Variants in RGS11 observed in about 807,000 individuals in gnomAD.
RGS11 encodes the protein regulator of G protein signaling 11.
Under a neutral mutation model 71.1 loss-of-function variants are expected in RGS11, and 86 were observed. The observed-to-expected ratio is 1.21, with a 90% CI of 1.02 to 1.45. The LOEUF is 1.45. RGS11 is among the 40% of genes most tolerant of loss of function. The pLI is 0.00. For synonymous variants in RGS11, 298 were observed against 254.2 expected, an observed-to-expected ratio of 1.17 and a Z score of -1.64; for missense variants, 734 against 635.1, an observed-to-expected ratio of 1.16 and a Z score of -1.67.
rs764683385 is a variant in RGS11 at position 274,989 on chromosome 16, G to A, written c.305C>T (p.Pro102Leu). Residue 102 changes from proline to leucine, a missense_variant, in exon 4 of 17, where the codon CCC becomes CTC. Transcript: ENST00000397770. ...CCCGAGCCTGACCTGGAACCTGTAGGGCGTCTCGTCTGGCCGGAGCATGAG... is the reference window on the plus strand; with the variant it reads ...CCCGAGCCTGACCTGGAACCTGTAGAGCGTCTCGTCTGGCCGGAGCATGAG... ...RSLMLRPDETPYRFQTPYFWT... is the reference protein window; with the variant it reads ...RSLMLRPDETLYRFQTPYFWT... 20 of 1,541,042 alleles carry A rather than the reference G, an allele frequency of 1.3e-5. No individual in the cohort carries two copies. Among genetic ancestry groups the A allele is most frequent in the Middle Eastern group, 1.7e-4 (1 of 5,942 alleles).
intron 15 of RGS11, 103 bp downstream of exon 15, chr16:270,420 T>C: frequency 7.3e-7 from 1 of 1,361,538 alleles, no homozygotes; most frequent in South Asian, 1.4e-5. Context: ...AGGGGCAGAG[T>C]CAACGTGGGC....
chr16:275,880 CGGCCGGGGGGCGGCGCGG>C lies in RGS11; in HGVS notation c.14_31del (p.Pro5_Gly10del). ...CAGATGCGGCATCTGCGCCCGGGGGCGGCCGGGGGGCGGCGCGGGGCCGGCGGCCATGGCTGCGGGGCG... is the reference window on the plus strand; with the variant it reads ...CAGATGCGGCATCTGCGCCCGGGGGCGGCCGGCGGCCATGGCTGCGGGGCG... On this transcript the variant is annotated inframe_deletion, in exon 1 of 17. Transcript: ENST00000397770. 4.2e-6 allele frequency: 4 copies of C among 956,628 alleles called. No homozygotes were observed. Among genetic ancestry groups the C allele is most frequent in the Non-Finnish European group, 5.1e-6 (4 of 784,092 alleles). The allele number at this position is 956,628 out of a possible 1,614,324, so 59.3% of individuals were successfully genotyped here.
chr16:274,918 A>G (rs1596916963), intron 4 of RGS11, 58 bp downstream of exon 4: 1 of 1,109,502 alleles, frequency 9.0e-7, no homozygotes, highest in Non-Finnish European at 1.2e-6. Flanking sequence ...CGAGTTGGTA[A>G]GCTGGGTGGG....
chr16:271,429 G>T lies in RGS11; in HGVS notation c.719C>A (p.Thr240Asn), dbSNP rs369509392. The change falls in exon 11 of 17, where the codon ACC (threonine) becomes AAC (asparagine). Residue 240 changes from threonine to asparagine, a missense_variant. Thr to Asn is a moderately conservative substitution (Grantham distance 65, BLOSUM62 0). Coordinates refer to ENST00000397770, the MANE Select transcript of RGS11 (RefSeq NM_183337.3). The stretch of plus-strand genomic sequence containing the variant: ...AAGGCAGACGGAGGACTTCACTCGG[G>T]TCCTGCCCAGCGCTTTCCTGAAGTA... ...IEYFRKALGRTRVKSSVCLEA... is the reference protein window; with the variant it reads ...IEYFRKALGRNRVKSSVCLEA... The T allele has an allele frequency of 7.4e-6, 12 of 1,613,776 alleles. No homozygotes were observed. Among genetic ancestry groups the T allele is most frequent in the Non-Finnish European group, 1.0e-5 (12 of 1,180,006 alleles).
rs1170152262 is a variant in RGS11 at position 273,161 on chromosome 16, CA to C, written c.589-231del. ...TCCCGGCCTGTGAACTCGGTCCCCC[CA>C]CTGCAGCCAAGGCCGCCCCCACTCT... On this transcript the variant is annotated intron_variant, in intron 8 of 16. Transcript: ENST00000397770. Among the ~76,000 whole-genome samples the C allele has an allele frequency of 2.0e-5, 3 of 152,302 alleles. No individual in the cohort carries two copies. In the East Asian group the frequency reaches 5.8e-4, roughly 29 times the overall value.
intron 7 of RGS11, 25 bp downstream of exon 7, chr16:273,735 G>C (rs376707901): frequency 1.3e-6 from 2 of 1,599,936 alleles, no homozygotes; most frequent in Non-Finnish European, 1.7e-6. Context: ...GCCTGCAGGC[G>C]GGGCGGGGCA....
rs1567241794 is a variant in RGS11, at chr16:274,992, G to A, written c.302C>T (p.Thr101Met). 14 of 1,540,222 alleles carry A rather than the reference G, an allele frequency of 9.1e-6. No individual in the cohort carries two copies. Among genetic ancestry groups the A allele is most frequent in the Admixed American group, 5.9e-5 (3 of 51,058 alleles). Residue 101 changes from threonine to methionine, a missense_variant, in exon 4 of 17, where the codon ACG becomes ATG. Coordinates refer to ENST00000397770, the MANE Select transcript of RGS11 (RefSeq NM_183337.3). ...GAGCCTGACCTGGAACCTGTAGGGCGTCTCGTCTGGCCGGAGCATGAGGCT... is the reference window on the plus strand; with the variant it reads ...GAGCCTGACCTGGAACCTGTAGGGCATCTCGTCTGGCCGGAGCATGAGGCT... ...PRSLMLRPDE[T>M]PYRFQTPYFW...
At chr16:271,487 TC>T in intron 10 of RGS11, 27 bp from the exon 11 acceptor site, 1 of 1,613,778 alleles carries the variant, frequency 6.2e-7, no homozygotes, top group Non-Finnish European at 8.5e-7. Flanking sequence ...GTGAGTCAGG[TC>T]CCGGGCTGGG....
chr16:271,281 C>G lies in RGS11; in HGVS notation c.784G>C (p.Asp262His). 1 of 1,612,958 alleles carries G rather than the reference C, an allele frequency of 6.2e-7. No individual in the cohort carries two copies. Among genetic ancestry groups the G allele is most frequent in the Non-Finnish European group, 8.5e-7 (1 of 1,179,986 alleles). ...GGCAGGCACCCCGACACGAGGGGAT[C>G]GTGGGGTCCACGCTGGCCGCAGAAA... ...LSFCGQRGPH[D>H]PLVSGCLPSN... The change falls in exon 12 of 17, where the codon GAT becomes CAT. Residue 262 changes from aspartate (D) to histidine (H), a missense_variant. Physicochemically the swap from Asp to His is moderately conservative, Grantham distance 81 (BLOSUM62 -1). Coordinates refer to ENST00000397770, the MANE Select transcript of RGS11 (RefSeq NM_183337.3).
intron 15 of RGS11, 73 bp downstream of exon 15, chr16:270,450 C>G (rs561724397): frequency 6.7e-7 from 1 of 1,490,060 alleles, no homozygotes; most frequent in Non-Finnish European, 9.0e-7. Context: ...GCGGACAGAG[C>G]CCTTGAGGGT....
In RGS11 at chr16:275,692, C is replaced by T. The variant is rs1195481150; in HGVS notation, c.63+157G>A. ...AGGGCCGGGGAGACCCCGGAGACCCCCAAGGGCCCCAGGCCTCGCCGCCCC... is the reference window on the plus strand; with the variant it reads ...AGGGCCGGGGAGACCCCGGAGACCCTCAAGGGCCCCAGGCCTCGCCGCCCC... On this transcript the variant is annotated intron_variant, in intron 1 of 16. Coordinates refer to ENST00000397770, the MANE Select transcript of RGS11 (RefSeq NM_183337.3). 58 of 349,008 alleles carry T rather than the reference C, an allele frequency of 1.7e-4. No individual in the cohort carries two copies. In the African/African-American group the frequency reaches 7.7e-3, roughly 47 times the overall value. The allele number at this position is 349,008 out of a possible 1,614,324, so 21.6% of individuals were successfully genotyped here.
At chr16:269,724 C>A (rs1252723933) in intron 15 of RGS11, 139 bp from the exon 16 acceptor site, 1 of 676,370 alleles carries the variant, frequency 1.5e-6, no homozygotes, top group Non-Finnish European at 2.5e-6. Context: ...GAGGCAGCCG[C>A]CTCGGACCTG....
chr16:269,164 G>A lies in RGS11; in HGVS notation c.*105C>T. The A allele has an allele frequency of 1.0e-6, 1 of 971,958 alleles. No homozygotes were observed. The highest frequency in any genetic ancestry group is 1.6e-6 in the Non-Finnish European group (1 of 621,348). The allele number at this position is 971,958 out of a possible 1,614,324, so 60.2% of individuals were successfully genotyped here. ...CCCCTGGGCACAAGGGGACACTGGT[G>A]CTGGGTTCAGCAGCCCCCAGGACCT... is the stretch of plus-strand genomic sequence containing the variant. On this transcript the variant is annotated 3_prime_UTR_variant, in exon 17 of 17. Transcript: ENST00000397770.
At chr16:274,948 G>A in intron 4 of RGS11, 28 bp downstream of exon 4, 28 of 1,542,702 alleles carry the variant, frequency 1.8e-5, no homozygotes, top group Non-Finnish European at 2.5e-5. Context: ...GGGTCCCACC[G>A]GCTCCCACCT....
At chr16:272,774 C>T (rs185215039) in intron 9 of RGS11, 89 bp downstream of exon 9, 35 of 1,529,722 alleles carry the variant, frequency 2.3e-5, no homozygotes, top group African/African-American at 8.2e-5. Flanking sequence ...GACCAAATGA[C>T]GGACAGATGG....
Position 275,091 on chromosome 16 carries a change from G to T in RGS11, c.212-9C>A. ...GCCCAGGTGCAGGGCCTCTGGGGAGGGGTGGGACGGTGAGCGCGGGGCCGC... is the reference window on the plus strand; with the variant it reads ...GCCCAGGTGCAGGGCCTCTGGGGAGTGGTGGGACGGTGAGCGCGGGGCCGC... On this transcript the variant is annotated splice_polypyrimidine_tract_variant and intron_variant, in intron 3 of 16. Transcript: ENST00000397770. 6.8e-7 allele frequency: 1 copy of T among 1,479,574 alleles called. No homozygotes were observed. Among genetic ancestry groups the T allele is most frequent in the Non-Finnish European group, 9.0e-7 (1 of 1,115,986 alleles). The allele number at this position is 1,479,574 out of a possible 1,614,324, so 91.7% of individuals were successfully genotyped here. A position where few individuals can be genotyped will look rare whatever the true frequency, so the allele number is the denominator to read the frequency against.
chr16:275,026 C>G lies in RGS11; in HGVS notation c.268G>C (p.Asp90His), dbSNP rs1034045143. 5.3e-6 allele frequency: 8 copies of G among 1,512,300 alleles called. No homozygotes were observed. The highest frequency in any genetic ancestry group is 7.1e-6 in the Non-Finnish European group (8 of 1,127,124). 93.7% of individuals were successfully genotyped at this position (1,512,300 alleles called of 1,614,324 possible). A position where few individuals can be genotyped will look rare whatever the true frequency, so the allele number is the denominator to read the frequency against. The change falls in exon 4 of 17, where the codon GAC becomes CAC. Residue 90 changes from aspartate (D) to histidine (H), a missense_variant. Physicochemically the swap from Asp to His is moderately conservative, Grantham distance 81 (BLOSUM62 -1). Coordinates refer to ENST00000397770, the MANE Select transcript of RGS11 (RefSeq NM_183337.3). ...GGCCGGAGCATGAGGCTACGGGGGT[C>G]GCGCAGCGGGTAGATGTAGCCATGC... ...VQHGYIYPLR[D>H]PRSLMLRPDE...
intron 7 of RGS11, 57 bp from the exon 8 acceptor site, chr16:273,613 C>A: frequency 6.6e-7 from 1 of 1,514,130 alleles, no homozygotes; most frequent in South Asian, 1.2e-5. Context: ...CCCTCCGCCC[C>A]CACCCTCAGG....
Position 271,011 on chromosome 16 carries a change from T to C in RGS11, c.952A>G (p.Met318Val). 1 of 1,612,266 alleles carries C rather than the reference T, an allele frequency of 6.2e-7. No individual in the cohort carries two copies. The part of the protein sequence containing the change: ...LEDPVGRAHF[M>V]DFLGKEFSGE... ...CTGAACTCCTTTCCCAGAAAGTCCA[T>C]GAAGTGGGCCCGCCCCACGGGGTCC... The change falls in exon 13 of 17, where the codon ATG becomes GTG. Residue 318 changes from methionine (M) to valine (V), a missense_variant. Coordinates refer to ENST00000397770, the MANE Select transcript of RGS11 (RefSeq NM_183337.3).
Sources: gnomAD v4.1 joint callset for allele counts (sites outside exome capture counted in the v4.1 genomes callset) on GRCh38, gnomAD v4.1.1 for gene constraint, MANE v1.5 for transcripts, NCBI Gene and HGNC (gene_info 2026-07-23, HGNC 2026-07-21) for gene names.